GALNTL6: variants seen among roughly 807,000 people sequenced by gnomAD.
GALNTL6 encodes polypeptide N-acetylgalactosaminyltransferase like 6.
In GALNTL6, 46 loss-of-function variants were observed where a neutral mutation model predicts 73.7. The ratio of observed to expected loss-of-function variants is 0.62; its 90% CI spans 0.49 to 0.80. The LOEUF (loss-of-function observed/expected upper bound fraction) is 0.80. GALNTL6 is among the 30% of genes least tolerant of loss of function. The probability of loss-of-function intolerance (pLI) is 0.00; values close to 1 mark genes in which losing one functional copy is unlikely to be tolerated. For synonymous variants in GALNTL6, 259 were observed against 263.7 expected, an observed-to-expected ratio of 0.98 and a Z score of 0.17; for missense variants, 604 against 755.0, an observed-to-expected ratio of 0.80 and a Z score of 2.34.
intron 5 of GALNTL6, among the ~76,000 whole-genome samples, chr4:172,587,776 T>C (rs2110990256): frequency 6.6e-6 from 1 of 152,320 alleles, no homozygotes; most frequent in African/African-American, 2.4e-5. Flanking sequence ...AGTGTGTGTG[T>C]CTGGGTGATG....
At chr4:172,488,951 C>T (rs938240673) in intron 5 of GALNTL6, among the ~76,000 whole-genome samples, 1 of 152,034 alleles carries the variant, frequency 6.6e-6, no homozygotes, top group African/African-American at 2.4e-5. Flanking sequence ...TCTGAATATC[C>T]CTAATGTCCT....
intron 5 of GALNTL6, among the ~76,000 whole-genome samples, chr4:172,364,642 G>A (rs1017350898): frequency 1.3e-5 from 2 of 152,142 alleles, no homozygotes; most frequent in Non-Finnish European, 2.9e-5. Context: ...GGCATGGGTT[G>A]GGAAGATAAA....
At chr4:172,224,463 AAGAT>A (rs1451428265) in intron 2 of GALNTL6, among the ~76,000 whole-genome samples, 2 of 152,240 alleles carry the variant, frequency 1.3e-5, no homozygotes, top group African/African-American at 2.4e-5. Context: ...TATGAAAACT[AAGAT>A]AGGTTTTAGA....
At chr4:172,441,903 T>C (rs939421826) in intron 5 of GALNTL6, among the ~76,000 whole-genome samples, 9 of 2,974 alleles carry the variant, frequency 3.0e-3, no homozygotes, top group East Asian at 0.011. Flanking sequence ...AAGAATTGAT[T>C]TTTTTTTAAG....
chr4:172,555,541 G>A (rs1736110789), intron 5 of GALNTL6, among the ~76,000 whole-genome samples: 1 of 152,016 alleles, frequency 6.6e-6, no homozygotes, highest in Admixed American at 6.6e-5. Flanking sequence ...CCCATGCTGT[G>A]AGGCCTCTCC....
Position 172,018,492 on chromosome 4 carries a change from G to T in GALNTL6, c.138+203774G>T, listed in dbSNP as rs561330238. 2.0e-5 allele frequency among the ~76,000 whole-genome samples: 3 copies of T among 151,974 alleles called. No individual in the cohort carries two copies. The East Asian group carries it at 5.8e-4, about 30-fold the overall frequency. ...GTATAGTTTGCCAGGGAAGTTGGGGGTAGCAGGTAGTGAAAGGCCTCACCC... is the reference window on the plus strand; with the variant it reads ...GTATAGTTTGCCAGGGAAGTTGGGGTTAGCAGGTAGTGAAAGGCCTCACCC... On this transcript the variant is annotated intron_variant, in intron 2 of 12. Coordinates refer to ENST00000506823, the MANE Select transcript of GALNTL6 (RefSeq NM_001034845.3).
chr4:173,025,050 G>A (rs1236429708), intron 12 of GALNTL6, among the ~76,000 whole-genome samples: 6 of 152,188 alleles, frequency 3.9e-5, no homozygotes, highest in African/African-American at 1.4e-4. Context: ...CCTTGCTTGG[G>A]TGGATGAAAG....
chr4:172,881,771 T>C (rs1365034288), intron 7 of GALNTL6, among the ~76,000 whole-genome samples: 1 of 152,214 alleles, frequency 6.6e-6, no homozygotes, highest in African/African-American at 2.4e-5. Flanking sequence ...CATAAGGGTG[T>C]TCTCTGTTTC....
chr4:172,445,464 C>A (rs1187040919), intron 5 of GALNTL6, among the ~76,000 whole-genome samples: 1 of 152,050 alleles, frequency 6.6e-6, no homozygotes, highest in East Asian at 1.9e-4. Context: ...TTTAAAGAAA[C>A]CATTGATAGG....
At chr4:172,447,060 T>C (rs1732048822) in intron 5 of GALNTL6, among the ~76,000 whole-genome samples, 1 of 152,132 alleles carries the variant, frequency 6.6e-6, no homozygotes, top group African/African-American at 2.4e-5. Flanking sequence ...GAGGATCTTA[T>C]AGTTTTGTAG....
chr4:172,222,276 G>T (rs990774232), intron 2 of GALNTL6, among the ~76,000 whole-genome samples: 3 of 151,908 alleles, frequency 2.0e-5, no homozygotes, highest in African/African-American at 7.2e-5. Context: ...TAGTTTCAAG[G>T]TGATGGAAGC....
At chr4:172,211,451 C>A (rs544222805) in intron 2 of GALNTL6, among the ~76,000 whole-genome samples, 1 of 152,304 alleles carries the variant, frequency 6.6e-6, no homozygotes, top group South Asian at 2.1e-4. Flanking sequence ...ATGGATCATT[C>A]TAGCCTCCTT....
chr4:172,341,975 G>A (rs1428608294), intron 4 of GALNTL6, among the ~76,000 whole-genome samples: 2 of 152,148 alleles, frequency 1.3e-5, no homozygotes, highest in Middle Eastern at 3.4e-3. Context: ...GCAAAAATCT[G>A]TATTATTATT....
chr4:172,647,888 T>G (rs1251901985), intron 5 of GALNTL6, among the ~76,000 whole-genome samples: 1 of 152,124 alleles, frequency 6.6e-6, no homozygotes. Context: ...AATACTGTCA[T>G]TAAATTTATT....
At chr4:172,095,431 AGCTG>A (rs1158435531) in intron 2 of GALNTL6, among the ~76,000 whole-genome samples, 1 of 152,178 alleles carries the variant, frequency 6.6e-6, no homozygotes, top group Non-Finnish European at 1.5e-5. Flanking sequence ...GCAAACAAAA[AGCTG>A]TGCTATGGGC....
At chr4:172,242,041 T>C (rs1737452293) in intron 3 of GALNTL6, among the ~76,000 whole-genome samples, 1 of 152,180 alleles carries the variant, frequency 6.6e-6, no homozygotes, top group Non-Finnish European at 1.5e-5. Flanking sequence ...TTATTCAATA[T>C]ACATTGAGTA....
At chr4:172,357,990 G>C (rs1742227892) in intron 5 of GALNTL6, among the ~76,000 whole-genome samples, 1 of 152,050 alleles carries the variant, frequency 6.6e-6, no homozygotes, top group African/African-American at 2.4e-5. Flanking sequence ...GTTTTGCCAA[G>C]TTGAAACTCT....
chr4:173,016,023 T>C (rs1457981065), intron 11 of GALNTL6, among the ~76,000 whole-genome samples: 2 of 152,202 alleles, frequency 1.3e-5, no homozygotes, highest in Admixed American at 6.5e-5. Flanking sequence ...GCTCAGGCCA[T>C]TGATTCAGAG....
chr4:172,267,647 A>G (rs1014599931), intron 3 of GALNTL6, among the ~76,000 whole-genome samples: 4 of 152,180 alleles, frequency 2.6e-5, no homozygotes, highest in Admixed American at 6.6e-5. Flanking sequence ...TTCTAATACT[A>G]CCTCAGCCTG....
Sources: gnomAD v4.1 joint callset for allele counts (sites outside exome capture counted in the v4.1 genomes callset) on GRCh38, gnomAD v4.1.1 for gene constraint, MANE v1.5 for transcripts, NCBI Gene and HGNC (gene_info 2026-07-23, HGNC 2026-07-21) for gene names.